PPP2R3A: variants seen among roughly 807,000 people sequenced by gnomAD.
PPP2R3A encodes the protein serine/threonine-protein phosphatase 2A regulatory subunit B'' subunit alpha.
Under a neutral mutation model 106.9 loss-of-function variants are expected in PPP2R3A, and 80 were observed. That is an observed-to-expected ratio of 0.75 (90% CI 0.62 to 0.90). PPP2R3A has a LOEUF of 0.90. Among genes scored for constraint, PPP2R3A ranks in the 40% least tolerant of loss-of-function variants. The pLI is 0.00. For synonymous variants in PPP2R3A, 483 were observed against 468.3 expected (o/e 1.03, Z -0.41); for missense variants, 1,386 against 1,350.4 (o/e 1.03, Z -0.41).
intron 4 of PPP2R3A, among the ~76,000 whole-genome samples, chr3:136,047,248 C>T (rs1423080081): frequency 6.6e-6 from 1 of 152,146 alleles, no homozygotes; most frequent in Non-Finnish European, 1.5e-5. Context: ...GGAGATTTCT[C>T]AAAGAACAGA....
intron 5 of PPP2R3A, among the ~76,000 whole-genome samples, chr3:136,063,671 C>T (rs554241290): frequency 2.0e-5 from 3 of 152,070 alleles, no homozygotes; most frequent in Non-Finnish European, 2.9e-5. Context: ...AAAAAATGCT[C>T]ATCATCACTG....
chr3:136,072,781 A>G (rs1405980822), intron 6 of PPP2R3A, among the ~76,000 whole-genome samples: 1 of 152,232 alleles, frequency 6.6e-6, no homozygotes, highest in Non-Finnish European at 1.5e-5. Context: ...GTTGGCATGT[A>G]TTCTTAGATA....
chr3:136,063,802 CTT>C (rs1936164018), intron 5 of PPP2R3A, among the ~76,000 whole-genome samples: 2 of 150,040 alleles, frequency 1.3e-5, no homozygotes, highest in South Asian at 4.3e-4. Context: ...AATAGGAACA[CTT>C]TTACACTGTT....
In PPP2R3A at chr3:136,087,884, T is replaced by C; in HGVS notation, c.2790T>C (p.Ala930=). 1 of 1,608,812 alleles carries C rather than the reference T, an allele frequency of 6.2e-7. No individual in the cohort carries two copies. Among genetic ancestry groups the C allele is most frequent in the Non-Finnish European group, 8.5e-7 (1 of 1,176,244 alleles). Residue 930 remains alanine, a splice_region_variant and synonymous_variant, in exon 9 of 14, where the codon GCT becomes GCC. Coordinates refer to ENST00000264977, the MANE Select transcript of PPP2R3A (RefSeq NM_002718.5). The stretch of plus-strand genomic sequence containing the variant: ...AATTTTTTTTTTATCTACATTTAGC[T>C]TCATCAAGCAGGATTATTGAAAGGA... ...QADLSRYNDQ[A]SSSRIIERIF...
At chr3:136,008,686 C>T (rs1933934760) in intron 2 of PPP2R3A, among the ~76,000 whole-genome samples, 1 of 152,176 alleles carries the variant, frequency 6.6e-6, no homozygotes, top group Admixed American at 6.5e-5. Context: ...GTTTGGGGTA[C>T]ATATGCTCAA....
intron 5 of PPP2R3A, among the ~76,000 whole-genome samples, chr3:136,059,329 A>G (rs751150434): frequency 5.9e-5 from 9 of 152,184 alleles, no homozygotes; most frequent in Non-Finnish European, 1.2e-4. Context: ...TACATGAACA[A>G]ATATTTTTCA....
In PPP2R3A at chr3:136,143,515, C is replaced by T. The variant is rs139990584; in HGVS notation, c.3330-1528C>T. On this transcript the variant is annotated intron_variant, in intron 13 of 13. Coordinates refer to ENST00000264977, the MANE Select transcript of PPP2R3A (RefSeq NM_002718.5). ...CAAAAACAAAAAGATGTTGACTGGG[C>T]GCAGTGGCTCATGCCTGTAATCCCA... Among the ~76,000 whole-genome samples the T allele has an allele frequency of 5.8e-4, 87 of 150,514 alleles. 4 individuals carry two copies. The East Asian group carries it at 0.017, about 29-fold the overall frequency.
intron 5 of PPP2R3A, chr3:136,055,050 T>C (rs1175547399): frequency 3.2e-6 from 1 of 313,686 alleles, no homozygotes; most frequent in Non-Finnish European, 5.9e-6. Flanking sequence ...TAAAAGTTAA[T>C]GTTTATAAAC....
intron 1 of PPP2R3A, among the ~76,000 whole-genome samples, chr3:135,989,184 T>A (rs1283563862): frequency 6.6e-6 from 1 of 152,190 alleles, no homozygotes; most frequent in Non-Finnish European, 1.5e-5. Flanking sequence ...AAGGGAACTT[T>A]GACAAGCACA....
chr3:136,105,134 A>G lies in PPP2R3A; in HGVS notation c.3223-1082A>G, dbSNP rs539153919. ...GGAAAAAGGAAGTGATATGGAGAGA[A>G]GGGCTGTTTCCAGGAAGCTATCACA... On this transcript the variant is annotated intron_variant, in intron 12 of 13. Transcript: ENST00000264977. Among the ~76,000 whole-genome samples the G allele has an allele frequency of 2.1e-4, 32 of 152,324 alleles. No individual in the cohort carries two copies. In the South Asian group the frequency reaches 6.2e-3, roughly 30 times the overall value.
intron 4 of PPP2R3A, among the ~76,000 whole-genome samples, chr3:136,045,514 C>G (rs930507478): frequency 6.6e-6 from 1 of 152,226 alleles, no homozygotes; most frequent in South Asian, 2.1e-4. Flanking sequence ...TCTGGAACAC[C>G]TAATAGCCCA....
rs1246326384 is a variant in PPP2R3A, at chr3:136,041,250, G to GTTTTTTTTTTTTTTTTTTTTT, written c.2366+299_2366+300insTTTTTTTTTTTTTTTTTTTTT. On this transcript the variant is annotated intron_variant, in intron 4 of 13. Coordinates refer to ENST00000264977, the MANE Select transcript of PPP2R3A (RefSeq NM_002718.5). Reference sequence around the variant, plus strand: ...CTTGGTTTTTCTTGTTTTTTTTTTTGTTTTTTTTTTTGTTTTTTTTTTTTT... The same window carrying GTTTTTTTTTTTTTTTTTTTTT: ...CTTGGTTTTTCTTGTTTTTTTTTTTGTTTTTTTTTTTTTTTTTTTTTTTTTTTTTTTTGTTTTTTTTTTTTT... Among the ~76,000 whole-genome samples, 22 of 56,560 alleles carry GTTTTTTTTTTTTTTTTTTTTT rather than the reference G, an allele frequency of 3.9e-4. 2 individuals are homozygous for GTTTTTTTTTTTTTTTTTTTTT. Among genetic ancestry groups the GTTTTTTTTTTTTTTTTTTTTT allele is most frequent in the South Asian group, 6.3e-4 (1 of 1,594 alleles). The allele number at this position is 56,560 out of a possible 152,430, so 37.1% of individuals were successfully genotyped here. A position where few individuals can be genotyped will look rare whatever the true frequency, so the allele number is the denominator to read the frequency against.
intron 2 of PPP2R3A, among the ~76,000 whole-genome samples, chr3:136,006,429 A>G (rs1000822669): frequency 2.0e-5 from 3 of 152,226 alleles, no homozygotes; most frequent in Non-Finnish European, 4.4e-5. Context: ...GGAATTGGCA[A>G]ACATTTCTAT....
chr3:136,123,091 T>C (rs1359240717), intron 13 of PPP2R3A, among the ~76,000 whole-genome samples: 1 of 152,176 alleles, frequency 6.6e-6, no homozygotes, highest in African/African-American at 2.4e-5. Flanking sequence ...TTTATTAATT[T>C]AATATAATTT....
Position 136,145,183 on chromosome 3 carries a change from T to C in PPP2R3A, c.*17T>C, listed in dbSNP as rs536836378. The C allele has an allele frequency of 1.8e-5, 28 of 1,597,070 alleles. No individual in the cohort carries two copies. The South Asian group carries it at 2.9e-4, about 16-fold the overall frequency. On this transcript the variant is annotated 3_prime_UTR_variant, in exon 14 of 14. Transcript: ENST00000264977. Reference sequence around the variant, plus strand: ...GAAGAATAGCTGCCGGTGTCTACAATGAAACGAAGATGTGTATTTTAAATG... The same window carrying C: ...GAAGAATAGCTGCCGGTGTCTACAACGAAACGAAGATGTGTATTTTAAATG...
chr3:136,046,126 G>T (rs1339127811), intron 4 of PPP2R3A, among the ~76,000 whole-genome samples: 1 of 151,872 alleles, frequency 6.6e-6, no homozygotes. Flanking sequence ...GCAGTGAGCT[G>T]TGTTCACGCC....
chr3:136,002,218 C>T lies in PPP2R3A; in HGVS notation c.720C>T (p.Ser240=), dbSNP rs780481882. The change falls in exon 2 of 14, where the codon TCC becomes TCT. Residue 240 remains serine, a synonymous_variant. Transcript: ENST00000264977. ...KMCLDILLKC[S]EDLKKCTDII... ...GCTTGGACATCTTATTGAAATGCTC[C>T]GAGGATTTAAAAAAATGCACAGACA... 58 of 1,613,136 alleles carry T rather than the reference C, an allele frequency of 3.6e-5. No homozygotes were observed. Among genetic ancestry groups the T allele is most frequent in the South Asian group, 2.2e-4 (20 of 90,970 alleles).
Position 136,082,403 on chromosome 3 carries a change from T to G in PPP2R3A, c.2770T>G (p.Ser924Ala). 6.2e-7 allele frequency: 1 copy of G among 1,613,848 alleles called. No homozygotes were observed. Among genetic ancestry groups the G allele is most frequent in the Non-Finnish European group, 8.5e-7 (1 of 1,179,776 alleles). ...HDLYISQADL[S>A]RYNDQASSSR... is the part of the protein sequence containing the mutation. ...CCTCTACATCAGCCAGGCCGATCTGTCTCGATACAATGACCAGGGTAAGTG... is the reference window on the plus strand; with the variant it reads ...CCTCTACATCAGCCAGGCCGATCTGGCTCGATACAATGACCAGGGTAAGTG... The change falls in exon 8 of 14, where the codon TCT (serine) becomes GCT (alanine). Residue 924 changes from serine (S) to alanine (A), a missense_variant. Transcript: ENST00000264977.
chr3:136,013,546 C>T (rs1448937587), intron 2 of PPP2R3A, among the ~76,000 whole-genome samples: 1 of 152,134 alleles, frequency 6.6e-6, no homozygotes, highest in Non-Finnish European at 1.5e-5. Context: ...TATGGCCATT[C>T]TTGCAGGAGT....
Sources: gnomAD v4.1 joint callset for allele counts (sites outside exome capture counted in the v4.1 genomes callset) on GRCh38, gnomAD v4.1.1 for gene constraint, MANE v1.5 for transcripts, NCBI Gene and HGNC (gene_info 2026-07-23, HGNC 2026-07-21) for gene names.